NUDT3: variants seen among roughly 807,000 people sequenced by gnomAD.
NUDT3 encodes the protein nudix hydrolase 3.
In NUDT3, 9 loss-of-function variants were observed where a neutral mutation model predicts 23.6. That is an observed-to-expected ratio of 0.38 (90% confidence interval 0.23 to 0.66). The LOEUF is 0.66. Among genes scored for constraint, NUDT3 ranks in the 30% least tolerant of loss-of-function variants. The pLI is 0.52. For synonymous variants in NUDT3, 86 were observed against 82.6 expected (o/e 1.04, Z -0.22); for missense variants, 172 against 218.5 (o/e 0.79, Z 1.34).
intron 1 of NUDT3, among the ~76,000 whole-genome samples, chr6:34,344,502 C>A (rs1435166452): frequency 6.6e-6 from 1 of 152,050 alleles, no homozygotes; most frequent in Non-Finnish European, 1.5e-5. Context: ...ATAAGCAAAT[C>A]CAGAGAAACA....
rs971435228 is a variant in NUDT3, at chr6:34,348,194, G to A, written c.100-6222C>T. Among the ~76,000 whole-genome samples, 3 of 151,914 alleles carry A rather than the reference G, an allele frequency of 2.0e-5. No homozygotes were observed. In the East Asian group the frequency reaches 5.8e-4, roughly 29 times the overall value. On this transcript the variant is annotated intron_variant, in intron 1 of 4. Coordinates refer to ENST00000607016, the MANE Select transcript of NUDT3 (RefSeq NM_006703.4). ...CCAGCTATGCAGGAGGGTGAGGCAGGAGAATCGCTAAAGCCCAGGAGGAGG... is the reference window on the plus strand; with the variant it reads ...CCAGCTATGCAGGAGGGTGAGGCAGAAGAATCGCTAAAGCCCAGGAGGAGG...
At chr6:34,349,334 C>CCTCTGTACAGTGCAATTGG (rs1554154313) in intron 1 of NUDT3, among the ~76,000 whole-genome samples, 1 of 140,054 alleles carries the variant, frequency 7.1e-6, no homozygotes, top group Admixed American at 7.0e-5. Context: ...GTCTATAAGA[C>CCTCTGTACAGTGCAATTGG]CAAGTGACTG....
At chr6:34,291,472 C>T (rs1411788242) in intron 4 of NUDT3, among the ~76,000 whole-genome samples, 1 of 152,006 alleles carries the variant, frequency 6.6e-6, no homozygotes, top group East Asian at 1.9e-4. Context: ...AGTCTCACCA[C>T]ATTCCTGCCA....
chr6:34,323,696 T>C (rs1411430785), intron 2 of NUDT3, among the ~76,000 whole-genome samples: 34 of 152,246 alleles, frequency 2.2e-4, no homozygotes, highest in South Asian at 2.1e-4. Flanking sequence ...TCACACTATC[T>C]ACAACTTTAC....
intron 2 of NUDT3, among the ~76,000 whole-genome samples, chr6:34,337,828 CCT>C (rs543237677): frequency 1.3e-5 from 2 of 152,208 alleles, no homozygotes; most frequent in Non-Finnish European, 2.9e-5. Flanking sequence ...TGAACTTTTT[CCT>C]CTCTCTCTAT....
intron 4 of NUDT3, 28 bp from the exon 5 acceptor site, chr6:34,288,959 G>GT: frequency 6.4e-7 from 1 of 1,569,102 alleles, no homozygotes; most frequent in Non-Finnish European, 8.6e-7. Flanking sequence ...AAAGAAACTA[G>GT]TACAAGAGTA....
At chr6:34,330,164 C>T (rs1461761735) in intron 2 of NUDT3, among the ~76,000 whole-genome samples, 1 of 152,186 alleles carries the variant, frequency 6.6e-6, no homozygotes, top group Non-Finnish European at 1.5e-5. Flanking sequence ...GGTATATACC[C>T]AGTAATGGGA....
intron 1 of NUDT3, among the ~76,000 whole-genome samples, chr6:34,351,137 C>T (rs1764460481): frequency 8.1e-6 from 1 of 123,300 alleles, no homozygotes; most frequent in Non-Finnish European, 1.6e-5. Context: ...ATCACTTGAG[C>T]CTAGGAGTTT....
Position 34,341,890 on chromosome 6 carries a change from A to G in NUDT3, c.182T>C (p.Val61Ala). The G allele has an allele frequency of 6.2e-7, 1 of 1,614,090 alleles. No individual in the cohort carries two copies. The highest frequency in any genetic ancestry group is 2.2e-5 in the East Asian group (1 of 44,866). The change falls in exon 2 of 5, where the codon GTG (valine) becomes GCG (alanine). Residue 61 changes from valine to alanine, a missense_variant. Around this residue, in one of 3 missense-constraint regions of NUDT3, gnomAD observed 59 missense variants for 107.4 expected, o/e 0.55. Transcript: ENST00000607016. ...GGMEPEEEPS[V>A]AAVREVCEEA... ...CTCACAGACTTCACGAACTGCTGCCACACTTGGCTCCTCCTCGGGCTCCAT... is the reference window on the plus strand; with the variant it reads ...CTCACAGACTTCACGAACTGCTGCCGCACTTGGCTCCTCCTCGGGCTCCAT...
At chr6:34,366,446 GAGAGAGAGAGAGAA>G (rs1448436618) in intron 1 of NUDT3, among the ~76,000 whole-genome samples, 2 of 126,114 alleles carry the variant, frequency 1.6e-5, no homozygotes, top group African/African-American at 3.0e-5. Flanking sequence ...GAGAGAGAAG[GAGAGAGAGAGAGAA>G]AGAGAGAGAG....
intron 1 of NUDT3, among the ~76,000 whole-genome samples, chr6:34,360,237 CAAAAAA>C (rs34629409): frequency 2.0e-5 from 1 of 50,722 alleles, no homozygotes; most frequent in African/African-American, 6.4e-5. Flanking sequence ...GACCCTGTCT[CAAAAAA>C]AAAAAAAAAA....
At chr6:34,326,055 G>A (rs1764023384) in intron 2 of NUDT3, among the ~76,000 whole-genome samples, 1 of 152,176 alleles carries the variant, frequency 6.6e-6, no homozygotes, top group Admixed American at 6.5e-5. Flanking sequence ...ATAGGCCATA[G>A]GCCATACATG....
intron 2 of NUDT3, among the ~76,000 whole-genome samples, chr6:34,302,656 T>C (rs1040471648): frequency 1.3e-5 from 2 of 152,232 alleles, no homozygotes; most frequent in Admixed American, 1.3e-4. Context: ...TGCTTGAACC[T>C]GGGAGGCGGA....
chr6:34,384,703 A>G (rs114564912), intron 1 of NUDT3, among the ~76,000 whole-genome samples: 3,207 of 152,324 alleles, frequency 0.021, 45 homozygotes, highest in Non-Finnish European at 0.032. Flanking sequence ...ACAGTGTATG[A>G]TAAAGTATCA....
rs148227685 is a variant in NUDT3 at position 34,368,702 on chromosome 6, A to G, written c.99+23562T>C. On this transcript the variant is annotated intron_variant, in intron 1 of 4. Coordinates refer to ENST00000607016, the MANE Select transcript of NUDT3 (RefSeq NM_006703.4). ...CGCCCAGGCTGGAGTGCAGTGGCGC[A>G]CTCTCAGTTCACTGCAAACTCCACC... Among the ~76,000 whole-genome samples the G allele has an allele frequency of 9.2e-3, 1,397 of 151,938 alleles. 16 individuals carry two copies. Among genetic ancestry groups the G allele is most frequent in the Middle Eastern group, 0.024 (7 of 294 alleles).
chr6:34,329,173 C>T (rs752416972), intron 2 of NUDT3, among the ~76,000 whole-genome samples: 2 of 152,070 alleles, frequency 1.3e-5, no homozygotes, highest in Non-Finnish European at 2.9e-5. Context: ...CATATGGAGC[C>T]TTCTGGTTGC....
In NUDT3 at chr6:34,305,947, T is replaced by C. The variant is rs530308043; in HGVS notation, c.211-10262A>G. Among the ~76,000 whole-genome samples the C allele has an allele frequency of 4.6e-5, 7 of 152,370 alleles. No homozygotes were observed. In the South Asian group the frequency reaches 1.4e-3, roughly 32 times the overall value. On this transcript the variant is annotated intron_variant, in intron 2 of 4. Coordinates refer to ENST00000607016, the MANE Select transcript of NUDT3 (RefSeq NM_006703.4). ...ATTCCTGTACAACTTAACATGTGGTTATGTTCTTATCCTTCCATGCATGCT... is the reference window on the plus strand; with the variant it reads ...ATTCCTGTACAACTTAACATGTGGTCATGTTCTTATCCTTCCATGCATGCT...
At chr6:34,388,278 C>G (rs1295249949) in intron 1 of NUDT3, among the ~76,000 whole-genome samples, 1 of 152,178 alleles carries the variant, frequency 6.6e-6, no homozygotes, top group African/African-American at 2.4e-5. Flanking sequence ...CGTTAAGCGA[C>G]ACATGGCTGT....
At chr6:34,319,149 T>C (rs1014314982) in intron 2 of NUDT3, among the ~76,000 whole-genome samples, 2 of 152,118 alleles carry the variant, frequency 1.3e-5, no homozygotes, top group Non-Finnish European at 2.9e-5. Context: ...AGAAGGCTTC[T>C]GTAACAAAAT....
Sources: gnomAD v4.1 joint callset for allele counts (sites outside exome capture counted in the v4.1 genomes callset) on GRCh38, gnomAD v4.1.1 for gene constraint, gnomAD v4.1.1 regional missense constraint, MANE v1.5 for transcripts, NCBI Gene and HGNC (gene_info 2026-07-23, HGNC 2026-07-21) for gene names.